The following IFT57 variants were observed in gnomAD, a reference collection of about 807,000 sequenced individuals.
IFT57 encodes intraflagellar transport 57.
A neutral mutation model predicts 56.8 loss-of-function variants in IFT57; 59 were observed. The ratio of observed to expected loss-of-function variants is 1.04; its 90% CI spans 0.84 to 1.29. The LOEUF is 1.29. IFT57 is among the 50% of genes most tolerant of loss of function. IFT57 has a pLI of 0.00. For synonymous variants in IFT57, 209 were observed against 186.1 expected (o/e 1.12, Z -1.00); for missense variants, 470 against 522.1 (o/e 0.90, Z 0.97).
Position 108,166,885 on chromosome 3 carries a change from T to C in IFT57, c.950A>G (p.Glu317Gly). ...CAGCTGGGCTTGAGCTGCACGATAT[T>C]CTTGAACCAAATTCTCAAGCTGATT... ...INNQLENLVQ[E>G]YRAAQAQLSE... The change falls in exon 8 of 11, where the codon GAA becomes GGA. Residue 317 changes from glutamate to glycine, a missense_variant. Coordinates refer to ENST00000264538, the MANE Select transcript of IFT57 (RefSeq NM_018010.4). The C allele has an allele frequency of 6.2e-7, 1 of 1,611,660 alleles. No homozygotes were observed. Among genetic ancestry groups the C allele is most frequent in the East Asian group, 2.2e-5 (1 of 44,804 alleles).
At position 108,162,344 on chromosome 3, in the gene IFT57, G is replaced by T; in HGVS notation, c.*133C>A. On this transcript the variant is annotated 3_prime_UTR_variant, in exon 11 of 11. Coordinates refer to ENST00000264538, the MANE Select transcript of IFT57 (RefSeq NM_018010.4). ...AGGCTTTAACCATCATAATCACCAT[G>T]ATATAATATGTGAGTATGTATATGT... 1.7e-6 allele frequency: 1 copy of T among 582,314 alleles called. No individual in the cohort carries two copies. The highest frequency in any genetic ancestry group is 2.9e-6 in the Non-Finnish European group (1 of 339,608). The allele number at this position is 582,314 out of a possible 1,614,324, so 36.1% of individuals were successfully genotyped here. A position where few individuals can be genotyped will look rare whatever the true frequency, so the allele number is the denominator to read the frequency against.
At position 108,222,397 on chromosome 3, in the gene IFT57, C is replaced by A; in HGVS notation, c.-75G>T. On this transcript the variant is annotated 5_prime_UTR_variant, in exon 1 of 11. Coordinates refer to ENST00000264538, the MANE Select transcript of IFT57 (RefSeq NM_018010.4). ...GCCTAAGCCGCCAGCCCTGCCGCCG[C>A]CAGTACAGCCACGACCGGTTACCAG... The A allele has an allele frequency of 1.5e-6, 2 of 1,369,602 alleles. No individual in the cohort carries two copies. Among genetic ancestry groups the A allele is most frequent in the Non-Finnish European group, 2.0e-6 (2 of 1,019,660 alleles). 84.8% of individuals were successfully genotyped at this position (1,369,602 alleles called of 1,614,324 possible).
chr3:108,167,950 T>C, intron 6 of IFT57, 86 bp from the exon 7 acceptor site: 1 of 992,278 alleles, frequency 1.0e-6, no homozygotes, highest in Admixed American at 2.6e-5. Context: ...AACCTTTAAT[T>C]ACTTTGGTTC....
At chr3:108,206,981 C>T (rs894148727) in intron 4 of IFT57, among the ~76,000 whole-genome samples, 23 of 152,012 alleles carry the variant, frequency 1.5e-4, no homozygotes, top group Admixed American at 9.2e-4. Context: ...GGAGCCATTG[C>T]TATAGAACTA....
intron 4 of IFT57, among the ~76,000 whole-genome samples, chr3:108,213,390 G>T (rs2108327080): frequency 6.6e-6 from 1 of 152,138 alleles, no homozygotes; most frequent in Non-Finnish European, 1.5e-5. Flanking sequence ...ATTATCTTGA[G>T]AAAAAGTTAT....
At chr3:108,175,259 TTCTC>T (rs1297143228) in intron 6 of IFT57, among the ~76,000 whole-genome samples, 4 of 151,824 alleles carry the variant, frequency 2.6e-5, no homozygotes, top group Non-Finnish European at 5.9e-5. Flanking sequence ...TTTGCATATT[TTCTC>T]TCTCAATGGA....
At chr3:108,219,703 T>A in intron 1 of IFT57, 131 bp from the exon 2 acceptor site, 2 of 876,950 alleles carry the variant, frequency 2.3e-6, no homozygotes, top group Non-Finnish European at 3.5e-6. Flanking sequence ...AAGACCTCGA[T>A]AATTCACCCT....
intron 1 of IFT57, among the ~76,000 whole-genome samples, chr3:108,221,841 G>A (rs951599575): frequency 2.0e-5 from 3 of 152,118 alleles, no homozygotes; most frequent in African/African-American, 7.2e-5. Flanking sequence ...CTGGTAATGC[G>A]TGTGTGTTGG....
chr3:108,212,322 C>T (rs541292549), intron 4 of IFT57, among the ~76,000 whole-genome samples: 1 of 152,202 alleles, frequency 6.6e-6, no homozygotes, highest in Non-Finnish European at 1.5e-5. Context: ...AGCAATCCTC[C>T]CACCGCCTCC....
chr3:108,169,313 T>A (rs1430758874), intron 6 of IFT57, among the ~76,000 whole-genome samples: 1 of 152,018 alleles, frequency 6.6e-6, no homozygotes, highest in East Asian at 1.9e-4. Context: ...TCTGTTCATA[T>A]CCTTTGCCCA....
intron 4 of IFT57, among the ~76,000 whole-genome samples, chr3:108,210,697 A>G (rs1046440701): frequency 6.6e-6 from 1 of 152,016 alleles, no homozygotes; most frequent in Non-Finnish European, 1.5e-5. Context: ...CCCACCATCA[A>G]AAGTCTTCTT....
At position 108,217,682 on chromosome 3, in the gene IFT57, ATG is replaced by A. The variant is rs1415924232; in HGVS notation, c.494+851_494+852del. Among the ~76,000 whole-genome samples, 77 of 150,788 alleles carry A rather than the reference ATG, an allele frequency of 5.1e-4. 2 individuals are homozygous for A. The highest frequency in any genetic ancestry group is 1.4e-3 in the African/African-American group (56 of 41,142). On this transcript the variant is annotated intron_variant, in intron 3 of 10. Transcript: ENST00000264538. ...TATTAACAGGGAATAATATATATAT[ATG>A]TGTGTGTGTGTATATAATCTTTCTA...
rs1329428257 is a variant in IFT57, at chr3:108,165,426, T to C, written c.1044+5A>G. On this transcript the variant is annotated splice_donor_5th_base_variant and intron_variant, in intron 9 of 10. Transcript: ENST00000264538. ...GAGAAGCAGGGCAAGAGCATCAGTG[T>C]GTACCTCAGAGAGGAGTCTGGTTCT... The C allele has an allele frequency of 6.2e-6, 10 of 1,611,388 alleles. No individual in the cohort carries two copies. The highest frequency in any genetic ancestry group is 2.2e-5 in the South Asian group (2 of 91,028).
At chr3:108,201,168 GGCT>G (rs2080276844) in intron 5 of IFT57, among the ~76,000 whole-genome samples, 2 of 152,086 alleles carry the variant, frequency 1.3e-5, no homozygotes, top group African/African-American at 4.8e-5. Context: ...ATTCATCTCG[GGCT>G]GCTATTTCTG....
At chr3:108,173,446 A>G (rs957109834) in intron 6 of IFT57, among the ~76,000 whole-genome samples, 2 of 151,822 alleles carry the variant, frequency 1.3e-5, no homozygotes, top group African/African-American at 4.8e-5. Flanking sequence ...ACAACCTGAT[A>G]CACCCATCAT....
In IFT57 at chr3:108,213,969, C is replaced by T; in HGVS notation, c.547G>A (p.Ala183Thr). Residue 183 changes from alanine to threonine, a missense_variant, in exon 4 of 11, where the codon GCA becomes ACA. Ala to Thr is a moderately conservative substitution (Grantham distance 58). Transcript: ENST00000264538. ...TCCACTTTATTTAATGTTAATTCTG[C>T]ATCATCTTCTGCAACGCTTTCTTCT... ...LEEESVAEDDAELTLNKVDEE... is the reference protein window; with the variant it reads ...LEEESVAEDDTELTLNKVDEE... 1.2e-6 allele frequency: 2 copies of T among 1,610,158 alleles called. No individual in the cohort carries two copies. The highest frequency in any genetic ancestry group is 8.5e-7 in the Non-Finnish European group (1 of 1,176,756).
intron 2 of IFT57, among the ~76,000 whole-genome samples, chr3:108,218,977 T>C (rs2080389564): frequency 6.6e-6 from 1 of 152,160 alleles, no homozygotes; most frequent in South Asian, 2.1e-4. Context: ...AGTGATTCAC[T>C]TGTCAAAAAT....
chr3:108,219,275 T>G (rs914945109), intron 2 of IFT57, 135 bp downstream of exon 2: 1 of 675,020 alleles, frequency 1.5e-6, no homozygotes, highest in Non-Finnish European at 2.5e-6. Flanking sequence ...TGTAAACTAT[T>G]TTAAGGAGGT....
At chr3:108,218,508 A>C in intron 3 of IFT57, 27 bp downstream of exon 3, 1 of 1,051,888 alleles carries the variant, frequency 9.5e-7, no homozygotes, top group Non-Finnish European at 1.4e-6. Context: ...CCATAAAATT[A>C]CTATCATCAG....
Sources: gnomAD v4.1 joint callset for allele counts (sites outside exome capture counted in the v4.1 genomes callset) on GRCh38, gnomAD v4.1.1 for gene constraint, MANE v1.5 for transcripts, NCBI Gene and HGNC (gene_info 2026-07-23, HGNC 2026-07-21) for gene names.